The following SULF2 variants were observed in gnomAD, a reference collection of about 807,000 sequenced individuals.
The protein encoded by SULF2 is sulfatase 2.
In SULF2, 52 loss-of-function variants were observed where a neutral mutation model predicts 107.7. The ratio of observed to expected loss-of-function variants is 0.48; its 90% CI spans 0.39 to 0.61. SULF2 has a LOEUF of 0.61. SULF2 is among the 20% of genes least tolerant of loss of function. SULF2 has a pLI of 0.00. For synonymous variants in SULF2, 460 were observed against 464.3 expected (o/e 0.99, Z 0.12); for missense variants, 993 against 1,177.3 (o/e 0.84, Z 2.29).
At chr20:47,710,331 C>T (rs2088886060) in intron 3 of SULF2, among the ~76,000 whole-genome samples, 2 of 151,600 alleles carry the variant, frequency 1.3e-5, no homozygotes, top group South Asian at 2.1e-4. Flanking sequence ...AGCCACCATG[C>T]CCACCATATT....
intron 3 of SULF2, among the ~76,000 whole-genome samples, chr20:47,714,519 GC>G (rs2089045397): frequency 6.6e-6 from 1 of 152,086 alleles, no homozygotes; most frequent in Non-Finnish European, 1.5e-5. Context: ...CACTGCCTCT[GC>G]CTGGACCTTG....
At chr20:47,720,106 G>A (rs959793248) in intron 3 of SULF2, among the ~76,000 whole-genome samples, 2 of 151,984 alleles carry the variant, frequency 1.3e-5, no homozygotes, top group African/African-American at 4.8e-5. Context: ...CTGCCACCAC[G>A]ACCGGCTAAT....
In SULF2 at chr20:47,741,478, G is replaced by C. The variant is rs552102513; in HGVS notation, c.176-4536C>G. Among the ~76,000 whole-genome samples the C allele has an allele frequency of 1.9e-4, 29 of 151,798 alleles. No homozygotes were observed. The East Asian group carries it at 1.9e-3, about 10-fold the overall frequency. On this transcript the variant is annotated intron_variant, in intron 2 of 20. Transcript: ENST00000688720. ...CCCAATATTTTCTACTCCCTTCCTTGCCTGACATTTTCAACCCTGCACTCA... is the reference window on the plus strand; with the variant it reads ...CCCAATATTTTCTACTCCCTTCCTTCCCTGACATTTTCAACCCTGCACTCA...
At chr20:47,706,870 A>C (rs1263358700) in intron 3 of SULF2, 5 of 151,910 alleles carry the variant, frequency 3.3e-5, no homozygotes, top group Non-Finnish European at 7.4e-5. Context: ...TCATCAGCTG[A>C]CTCTTGGGTC....
At chr20:47,690,926 T>C (rs865936469) in intron 4 of SULF2, among the ~76,000 whole-genome samples, 1 of 152,068 alleles carries the variant, frequency 6.6e-6, no homozygotes, top group Non-Finnish European at 1.5e-5. Flanking sequence ...GTGCTTACGA[T>C]GTGCCAAGGA....
At chr20:47,731,841 A>T (rs2089621106) in intron 3 of SULF2, among the ~76,000 whole-genome samples, 2 of 152,192 alleles carry the variant, frequency 1.3e-5, no homozygotes, top group Admixed American at 6.5e-5. Context: ...ATTTGGTGCG[A>T]TGGGACCTCT....
At chr20:47,753,344 AC>A (rs1028286770) in intron 2 of SULF2, among the ~76,000 whole-genome samples, 1 of 152,152 alleles carries the variant, frequency 6.6e-6, no homozygotes, top group African/African-American at 2.4e-5. Flanking sequence ...TGTAAGTGGG[AC>A]CCCCACATCA....
chr20:47,728,341 G>A (rs115230130), intron 3 of SULF2, among the ~76,000 whole-genome samples: 55 of 152,288 alleles, frequency 3.6e-4, no homozygotes, highest in African/African-American at 1.3e-3. Context: ...CTGCACCAGG[G>A]GCCCAGGGAC....
intron 4 of SULF2, among the ~76,000 whole-genome samples, chr20:47,697,301 G>C (rs2146572746): frequency 6.6e-6 from 1 of 152,296 alleles, no homozygotes; most frequent in East Asian, 1.9e-4. Context: ...CCCTTTGGTG[G>C]CATGTGCCCA....
upstream of SULF2, chr20:47,785,825 G>T: frequency 6.6e-6 from 1 of 151,584 alleles, no homozygotes; most frequent in South Asian, 1.9e-4. Flanking sequence ...CCGCGCGCTA[G>T]CGCTTTTACC....
At chr20:47,781,188 TGGAA>T (rs1270357737) in intron 1 of SULF2, among the ~76,000 whole-genome samples, 2 of 152,228 alleles carry the variant, frequency 1.3e-5, no homozygotes, top group African/African-American at 2.4e-5. Flanking sequence ...CTGGCCCTGG[TGGAA>T]GGGAGAGGCA....
intron 3 of SULF2, among the ~76,000 whole-genome samples, chr20:47,724,469 G>A (rs1275643467): frequency 2.0e-5 from 3 of 152,200 alleles, no homozygotes; most frequent in Non-Finnish European, 2.9e-5. Context: ...GGTGTTGGTG[G>A]CATGGAGGGC....
chr20:47,747,141 G>A (rs1353581372), intron 2 of SULF2, among the ~76,000 whole-genome samples: 1 of 151,988 alleles, frequency 6.6e-6, no homozygotes, highest in Non-Finnish European at 1.5e-5. Flanking sequence ...ACTGGATTCT[G>A]GAGACCTGTT....
intron 2 of SULF2, 43 bp from the exon 3 acceptor site, chr20:47,736,985 G>A (rs1009302131): frequency 1.5e-5 from 24 of 1,609,338 alleles, no homozygotes; most frequent in East Asian, 1.1e-4. Flanking sequence ...CAGGAGACCC[G>A]GGCGGCACCG....
intron 1 of SULF2, among the ~76,000 whole-genome samples, chr20:47,766,592 G>A: frequency 6.6e-6 from 1 of 152,212 alleles, no homozygotes; most frequent in Non-Finnish European, 1.5e-5. Context: ...TGTGTGCCAG[G>A]CACAGTTCTT....
chr20:47,683,502 ACTGGCACTCAATAATG>A (rs2087897971), intron 6 of SULF2, among the ~76,000 whole-genome samples: 1 of 152,240 alleles, frequency 6.6e-6, no homozygotes, highest in African/African-American at 2.4e-5. Flanking sequence ...TCCCACGTAC[ACTGGCACTCAATAATG>A]CTGTCAGGTG....
chr20:47,666,590 A>G lies in SULF2; in HGVS notation c.1577-102T>C, dbSNP rs1262332760. On this transcript the variant is annotated intron_variant, in intron 11 of 20. Transcript: ENST00000688720. This position sits in a 1 kb window ranked among gnomAD's most constrained non-coding sequence, Gnocchi z 5.4. ...TCAAGATAGGGCCGGGCTTCCAAGC[A>G]TGAGGCTCAGCTTTGCCTGCGACTC... The G allele has an allele frequency of 2.1e-6, 2 of 937,710 alleles. No individual in the cohort carries two copies. The highest frequency in any genetic ancestry group is 3.1e-5 in the South Asian group (2 of 65,356). The allele number at this position is 937,710 out of a possible 1,614,324, so 58.1% of individuals were successfully genotyped here. A position where few individuals can be genotyped will look rare whatever the true frequency, so the allele number is the denominator to read the frequency against.
chr20:47,755,322 G>C (rs1316232753), intron 2 of SULF2, among the ~76,000 whole-genome samples: 1 of 152,124 alleles, frequency 6.6e-6, no homozygotes, highest in African/African-American at 2.4e-5. Flanking sequence ...ATACGCTGTT[G>C]GTTTCCTTAT....
rs183789163 is a variant in SULF2, at chr20:47,735,150, G to T, written c.415+1553C>A. Among the ~76,000 whole-genome samples the T allele has an allele frequency of 2.0e-5, 3 of 152,052 alleles. No individual in the cohort carries two copies. In the East Asian group the frequency reaches 5.8e-4, roughly 29 times the overall value. On this transcript the variant is annotated intron_variant, in intron 3 of 20. Transcript: ENST00000688720. ...TGACTCTGGGCAGGTCTCTTTTTTG[G>T]GCTGCAGTGGCCCTGGCTGTGAAAT...
Sources: gnomAD v4.1 joint callset for allele counts (sites outside exome capture counted in the v4.1 genomes callset) on GRCh38, gnomAD v4.1.1 for gene constraint, Gnocchi (gnomAD v3.1) non-coding constraint, MANE v1.5 for transcripts, NCBI Gene and HGNC (gene_info 2026-07-23, HGNC 2026-07-21) for gene names.